The following ZNF549 variants were observed in gnomAD, a reference collection of about 807,000 sequenced individuals.
ZNF549 encodes zinc finger protein 549.
In ZNF549, 11 loss-of-function variants were observed where a neutral mutation model predicts 11.1. That is an observed-to-expected ratio of 0.99 (90% CI 0.62 to 1.64). ZNF549 has a LOEUF of 1.64. Among genes scored for constraint, ZNF549 ranks in the 40% most tolerant of loss-of-function variants. ZNF549 has a pLI of 0.00. For synonymous variants in ZNF549, 266 were observed against 269.1 expected (o/e 0.99, Z 0.11); for missense variants, 748 against 765.1 (o/e 0.98, Z 0.26).
intron 1 of ZNF549, among the ~76,000 whole-genome samples, chr19:57,529,881 G>A (rs1032364883): frequency 3.3e-5 from 5 of 151,638 alleles, no homozygotes; most frequent in Admixed American, 6.6e-5. Flanking sequence ...GCGAGGCTCC[G>A]TCTCCAAAAA....
chr19:57,535,032 C>A, intron 2 of ZNF549, 112 bp from the exon 3 acceptor site: 2 of 1,384,902 alleles, frequency 1.4e-6, no homozygotes, highest in East Asian at 2.3e-5. Context: ...CAGTGGGAGA[C>A]ACCATAAGGA....
intron 3 of ZNF549, 43 bp downstream of exon 3, chr19:57,535,313 T>G: frequency 6.4e-7 from 1 of 1,572,174 alleles, no homozygotes; most frequent in East Asian, 2.3e-5. Flanking sequence ...TGCTGGACTC[T>G]GCTCTTCCCC....
At position 57,535,101 on chromosome 19, in the gene ZNF549, G is replaced by A. The variant is rs773380774; in HGVS notation, c.73-43G>A. The A allele has an allele frequency of 6.2e-6, 10 of 1,603,026 alleles. No homozygotes were observed. The Admixed American group carries it at 1.7e-4, about 27-fold the overall frequency. On this transcript the variant is annotated intron_variant, in intron 2 of 3. Coordinates refer to ENST00000376233, the MANE Select transcript of ZNF549 (RefSeq NM_001199295.2). The stretch of plus-strand genomic sequence containing the variant: ...GGAGCGAGATTTACTGGGGTTCCTG[G>A]GGATTGAGTCTGCTCATGATTTCAT...
Position 57,536,930 on chromosome 19 carries a change from G to T in ZNF549, c.200-274G>T, listed in dbSNP as rs963731891. On this transcript the variant is annotated intron_variant, in intron 3 of 3. Transcript: ENST00000376233. Reference sequence around the variant, plus strand: ...CATAATGAGACCTGTATCTCCACAAGAAATTCTAAAAAAAAATTAGCCAGG... The same window carrying T: ...CATAATGAGACCTGTATCTCCACAATAAATTCTAAAAAAAAATTAGCCAGG... Among the ~76,000 whole-genome samples the T allele has an allele frequency of 6.3e-4, 96 of 152,172 alleles. 1 individual carries two copies. The highest frequency in any genetic ancestry group is 2.2e-3 in the African/African-American group (93 of 41,536).
At chr19:57,535,487 G>A in intron 3 of ZNF549, 1 of 554,964 alleles carries the variant, frequency 1.8e-6, no homozygotes, top group Non-Finnish European at 3.0e-6. Context: ...TTTGGGTTCA[G>A]ACTCTTGTAA....
chr19:57,536,307 A>G (rs2089924333), intron 3 of ZNF549, among the ~76,000 whole-genome samples: 1 of 152,166 alleles, frequency 6.6e-6, no homozygotes, highest in South Asian at 2.1e-4. Context: ...TAGCTTAGCA[A>G]CACAGTAGAG....
chr19:57,537,954 A>G lies in ZNF549; in HGVS notation c.950A>G (p.Tyr317Cys). The G allele has an allele frequency of 6.2e-7, 1 of 1,613,974 alleles. No homozygotes were observed. Residue 317 changes from tyrosine to cysteine, a missense_variant, in exon 4 of 4, where the codon TAC (tyrosine) becomes TGC (cysteine). By Grantham distance (194) the Tyr-to-Cys change is radical. Transcript: ENST00000376233. ...TGTGGGAAATCCTTGAGCTCCAAAT[A>G]CTCACTTGTGGAACACCAGAGAACC... ...IECGKSLSSK[Y>C]SLVEHQRTHN...
rs762278150 is a variant in ZNF549, at chr19:57,537,311, G to T, written c.307G>T (p.Ala103Ser). 2.5e-6 allele frequency: 4 copies of T among 1,614,090 alleles called. No individual in the cohort carries two copies. In the Admixed American group the frequency reaches 6.7e-5, roughly 27 times the overall value. ...TPKLGPSIPN[A>S]HSCEMCILVM... The stretch of plus-strand genomic sequence containing the variant: ...AAAGCTAGGTCCTTCCATCCCAAAT[G>T]CTCATTCTTGTGAGATGTGTATCCT... Residue 103 changes from alanine (A) to serine (S), a missense_variant, in exon 4 of 4, where the codon GCT (alanine) becomes TCT (serine). By Grantham distance (99) the Ala-to-Ser change is moderately conservative. Coordinates refer to ENST00000376233, the MANE Select transcript of ZNF549 (RefSeq NM_001199295.2).
chr19:57,528,438 G>C (rs1307357430), intron 1 of ZNF549, among the ~76,000 whole-genome samples: 1 of 152,176 alleles, frequency 6.6e-6, no homozygotes, highest in East Asian at 1.9e-4. Flanking sequence ...ATGGAGACAG[G>C]CTGGGGCGTA....
Position 57,538,906 on chromosome 19 carries a change from A to G in ZNF549, c.1902A>G (p.Val634=). 6.2e-7 allele frequency: 1 copy of G among 1,603,904 alleles called. No individual in the cohort carries two copies. Among genetic ancestry groups the G allele is most frequent in the Non-Finnish European group, 8.5e-7 (1 of 1,179,302 alleles). Reference sequence around the variant, plus strand: ...ATTCCCTTGTCAGGCACCAGAAGGTACATATAACAGAAGAGCCCTAGCAAT... The same window carrying G: ...ATTCCCTTGTCAGGCACCAGAAGGTGCATATAACAGAAGAGCCCTAGCAAT... ...KRYSLVRHQK[V]HITEEP is the part of the protein sequence containing the mutation. The change falls in exon 4 of 4, where the codon GTA becomes GTG. Residue 634 remains valine, a synonymous_variant. Coordinates refer to ENST00000376233, the MANE Select transcript of ZNF549 (RefSeq NM_001199295.2).
Position 57,537,207 on chromosome 19 carries a change from GT to G in ZNF549, c.206del (p.Leu69CysfsTer4). 1.2e-6 allele frequency: 2 copies of G among 1,608,798 alleles called. No individual in the cohort carries two copies. The highest frequency in any genetic ancestry group is 1.7e-6 in the Non-Finnish European group (2 of 1,177,132). ...ACTTGCATTTTTATGCTTTTAGGTT[GT>G]TTGCATGGAATAGAGGCTGAGGAGG... ...ENFSLMASVG[C>X]LHGIEAEEAP... On this transcript the variant is annotated frameshift_variant, in exon 4 of 4. Coordinates refer to ENST00000376233, the MANE Select transcript of ZNF549 (RefSeq NM_001199295.2). LOFTEE classifies it low-confidence loss of function (END_TRUNC).
chr19:57,529,533 A>C (rs932808335), intron 1 of ZNF549, among the ~76,000 whole-genome samples: 1 of 152,186 alleles, frequency 6.6e-6, no homozygotes, highest in Non-Finnish European at 1.5e-5. Context: ...TGTACTATTC[A>C]CCCTTGTGAT....
rs200432916 is a variant in ZNF549, at chr19:57,537,340, C to G, written c.336C>G (p.Val112=). 16 of 1,614,080 alleles carry G rather than the reference C, an allele frequency of 9.9e-6. No individual in the cohort carries two copies. The highest frequency in any genetic ancestry group is 1.3e-5 in the African/African-American group (1 of 74,938). The change falls in exon 4 of 4, where the codon GTC becomes GTG. Residue 112 remains valine (V), a synonymous_variant. Coordinates refer to ENST00000376233, the MANE Select transcript of ZNF549 (RefSeq NM_001199295.2). ...NAHSCEMCIL[V]MKDILYLSEH... is the part of the protein sequence containing the mutation. ...ATTCTTGTGAGATGTGTATCCTGGT[C>G]ATGAAAGACATTTTGTACCTCAGTG...
In ZNF549 at chr19:57,537,876, T is replaced by C. The variant is rs149137978; in HGVS notation, c.872T>C (p.Val291Ala). The C allele has an allele frequency of 3.1e-6, 5 of 1,613,534 alleles. No individual in the cohort carries two copies. Among genetic ancestry groups the C allele is most frequent in the Admixed American group, 1.7e-5 (1 of 60,010 alleles). Residue 291 changes from valine to alanine, a missense_variant, in exon 4 of 4, where the codon GTT (valine) becomes GCT (alanine). By Grantham distance (64) the Val-to-Ala change is moderately conservative. Coordinates refer to ENST00000376233, the MANE Select transcript of ZNF549 (RefSeq NM_001199295.2). Reference protein sequence around the residue: ...GKSFLHKQTLVGHQQRIHTRE... With the variant: ...GKSFLHKQTLAGHQQRIHTRE... ...TCATTCCTCCATAAACAAACACTCGTTGGGCACCAGCAGAGAATTCACACT... is the reference window on the plus strand; with the variant it reads ...TCATTCCTCCATAAACAAACACTCGCTGGGCACCAGCAGAGAATTCACACT...
rs1217006817 is a variant in ZNF549 at position 57,533,498 on chromosome 19, C to T, written c.73-1646C>T. On this transcript the variant is annotated intron_variant, in intron 2 of 3. Coordinates refer to ENST00000376233, the MANE Select transcript of ZNF549 (RefSeq NM_001199295.2). ...GGCATATTTTAAAATGATTCATTTT[C>T]CCCTCTCTGCTGGAAGCACAAGGGG... Among the ~76,000 whole-genome samples the T allele has an allele frequency of 2.0e-5, 3 of 152,158 alleles. No individual in the cohort carries two copies. In the East Asian group the frequency reaches 5.8e-4, roughly 29 times the overall value.
intron 1 of ZNF549, 90 bp from the exon 2 acceptor site, chr19:57,530,980 T>C (rs2089901507): frequency 2.4e-6 from 3 of 1,253,424 alleles, no homozygotes; most frequent in African/African-American, 3.0e-5. Context: ...GTTAGGTCTT[T>C]GTCTAGTGTC....
Position 57,538,919 on chromosome 19 carries a change from G to C in ZNF549, c.1915G>C (p.Glu639Gln). The change falls in exon 4 of 4, where the codon GAG becomes CAG. Residue 639 changes from glutamate (E) to glutamine (Q), a missense_variant. Glu to Gln is a conservative substitution (Grantham distance 29). Transcript: ENST00000376233. ...VRHQKVHITE[E>Q]P ...GCACCAGAAGGTACATATAACAGAA[G>C]AGCCCTAGCAATTGTTGGGATGTGT... 1 of 1,599,216 alleles carries C rather than the reference G, an allele frequency of 6.3e-7. No homozygotes were observed. The highest frequency in any genetic ancestry group is 8.5e-7 in the Non-Finnish European group (1 of 1,177,616).
intron 2 of ZNF549, among the ~76,000 whole-genome samples, chr19:57,534,628 T>C (rs1046901524): frequency 1.3e-5 from 2 of 152,070 alleles, no homozygotes; most frequent in Non-Finnish European, 1.5e-5. Flanking sequence ...GTGGCTGAAA[T>C]TGGAACAAAG....
chr19:57,530,629 G>T (rs2123309065), intron 1 of ZNF549, among the ~76,000 whole-genome samples: 1 of 152,256 alleles, frequency 6.6e-6, no homozygotes, highest in African/African-American at 2.4e-5. Context: ...TGGTTTAGCT[G>T]CAACTCCAGG....
Sources: allele counts gnomAD v4.1 joint callset (sites outside exome capture counted in the v4.1 genomes callset), GRCh38; gene constraint gnomAD v4.1.1; transcripts MANE v1.5; gene names NCBI Gene and HGNC (gene_info 2026-07-23, HGNC 2026-07-21).